The following LHX6 variants were observed in gnomAD, a reference collection of about 807,000 sequenced individuals.
LHX6 encodes LIM/homeobox protein Lhx6.
LHX6 carries 15 observed loss-of-function variants against 47.1 expected under a neutral mutation model. That is an observed-to-expected ratio of 0.32 (90% CI 0.21 to 0.49). The LOEUF is 0.49. LHX6 is among the 20% of genes least tolerant of loss of function. The pLI is 0.99. For synonymous variants in LHX6, 242 were observed against 233.5 expected (o/e 1.04, Z -0.33); for missense variants, 404 against 539.6 (o/e 0.75, Z 2.49).
Position 122,204,778 on chromosome 9 carries a change from G to T in LHX6, c.1161C>A (p.Val387=). The T allele has an allele frequency of 6.3e-7, 1 of 1,588,696 alleles. No individual in the cohort carries two copies. The highest frequency in any genetic ancestry group is 8.6e-7 in the Non-Finnish European group (1 of 1,167,498). The change falls in exon 10 of 10, where the codon GTC becomes GTA. Residue 387 remains valine, a splice_region_variant and synonymous_variant. Coordinates refer to ENST00000394319, the MANE Select transcript of LHX6 (RefSeq NM_014368.5). ...DGPLSNRGEK[V]ILFQY ...GGCAGCGTTAGTACTGAAAAAGGAT[G>T]ACCTGCAAGAGGAGGGCATGGGAGG... is the stretch of plus-strand genomic sequence containing the variant.
chr9:122,215,863 T>C (rs1463103791), intron 5 of LHX6, among the ~76,000 whole-genome samples: 1 of 152,030 alleles, frequency 6.6e-6, no homozygotes, highest in African/African-American at 2.4e-5. Context: ...TTCATACTCC[T>C]CCCCAGAAAA....
chr9:122,218,725 T>C (rs1830693120), intron 4 of LHX6, among the ~76,000 whole-genome samples: 1 of 152,120 alleles, frequency 6.6e-6, no homozygotes, highest in African/African-American at 2.4e-5. Flanking sequence ...CCACATCCTC[T>C]TCAGGCCCAT....
rs1830625195 is a variant in LHX6, at chr9:122,217,165, C to A, written c.585G>T (p.Leu195=). ...CFACFSCKRQ[L]STGEEFGLVE... ...CCAGGCCGAACTCCTCACCAGTGGA[C>A]AGCTGGCGCTTGCACGAGAAGCAGG... Residue 195 remains leucine, a synonymous_variant, in exon 5 of 10, where the codon CTG becomes CTT. Transcript: ENST00000394319. The surrounding 1 kb of genome is among the most constrained non-coding windows in gnomAD (Gnocchi z 4.9). 1.2e-6 allele frequency: 2 copies of A among 1,614,128 alleles called. No homozygotes were observed. The highest frequency in any genetic ancestry group is 1.7e-6 in the Non-Finnish European group (2 of 1,180,052).
In LHX6 at chr9:122,217,926, G is replaced by T. The variant is rs957173482; in HGVS notation, c.462-638C>A. Among the ~76,000 whole-genome samples, 3 of 152,196 alleles carry T rather than the reference G, an allele frequency of 2.0e-5. No individual in the cohort carries two copies. The highest frequency in any genetic ancestry group is 7.2e-5 in the African/African-American group (3 of 41,444). On this transcript the variant is annotated intron_variant, in intron 4 of 9. Coordinates refer to ENST00000394319, the MANE Select transcript of LHX6 (RefSeq NM_014368.5). The surrounding 1 kb of genome is among the most constrained non-coding windows in gnomAD (Gnocchi z 4.9). ...TCCTGCACTGAACTAGATGACAACAGCAATGACTACTACTGTTTGTTTAGT... is the reference window on the plus strand; with the variant it reads ...TCCTGCACTGAACTAGATGACAACATCAATGACTACTACTGTTTGTTTAGT...
intron 4 of LHX6, chr9:122,221,545 C>T (rs1459698631): frequency 1.0e-6 from 1 of 985,774 alleles, no homozygotes; most frequent in Non-Finnish European, 1.2e-6. Flanking sequence ...GAACTTTAGC[C>T]TCCAGGGCAC....
intron 4 of LHX6, among the ~76,000 whole-genome samples, chr9:122,223,053 G>A (rs1467822098): frequency 6.6e-6 from 1 of 152,184 alleles, no homozygotes; most frequent in Non-Finnish European, 1.5e-5. Context: ...CTCTCTCCAG[G>A]AAGAACTTCC....
chr9:122,226,261 AG>A lies in LHX6; in HGVS notation c.461+114del. On this transcript the variant is annotated intron_variant, in intron 4 of 9. Coordinates refer to ENST00000394319, the MANE Select transcript of LHX6 (RefSeq NM_014368.5). The surrounding 1 kb of genome is among the most constrained non-coding windows in gnomAD (Gnocchi z 6.5). ...GGTTGGACCAGCGCTGCGCGCCGGA[AG>A]TGCACTCGGGACGCCGGGGTTCTGG... 1.5e-6 allele frequency: 2 copies of A among 1,329,434 alleles called. No individual in the cohort carries two copies. Among genetic ancestry groups the A allele is most frequent in the Non-Finnish European group, 2.0e-6 (2 of 985,236 alleles). The allele number at this position is 1,329,434 out of a possible 1,614,324, so 82.4% of individuals were successfully genotyped here. A position where few individuals can be genotyped will look rare whatever the true frequency, so the allele number is the denominator to read the frequency against.
intron 1 of LHX6, chr9:122,228,213 G>A: frequency 1.3e-6 from 2 of 1,502,340 alleles, no homozygotes; most frequent in South Asian, 2.4e-5. Flanking sequence ...AGCAAAAAGA[G>A]AGCGAGATCG....
At chr9:122,206,921 AC>A (rs1830201459) in intron 9 of LHX6, among the ~76,000 whole-genome samples, 2 of 151,766 alleles carry the variant, frequency 1.3e-5, no homozygotes, top group Admixed American at 6.6e-5. Context: ...GATGTGGAAC[AC>A]CCTTCTTCTT....
intron 5 of LHX6, 85 bp downstream of exon 5, chr9:122,216,983 A>C: frequency 9.0e-7 from 1 of 1,115,318 alleles, no homozygotes; most frequent in South Asian, 1.4e-5. Flanking sequence ...TCGGTAGAGG[A>C]GTGTGGGTGG....
At chr9:122,228,486 A>ACCCC in intron 1 of LHX6, 171 bp downstream of exon 1, 1 of 1,169,042 alleles carries the variant, frequency 8.6e-7, no homozygotes, top group Non-Finnish European at 1.1e-6. Flanking sequence ...GCTTTCCGCG[A>ACCCC]CCCCCCCCCC....
In LHX6 at chr9:122,221,070, C is replaced by G. The variant is rs770855870; in HGVS notation, c.462-3782G>C. ...TTACCAAGCTATTGAGCCGAGAGGC[C>G]GAAACTCAAACGGAGGTTCACTTAT... On this transcript the variant is annotated intron_variant, in intron 4 of 9. Transcript: ENST00000394319. The G allele has an allele frequency of 4.7e-4, 464 of 985,032 alleles. 1 individual carries two copies. Among genetic ancestry groups the G allele is most frequent in the Non-Finnish European group, 5.4e-4 (447 of 829,704 alleles). 61.0% of individuals were successfully genotyped at this position (985,032 alleles called of 1,614,324 possible). A position where few individuals can be genotyped will look rare whatever the true frequency, so the allele number is the denominator to read the frequency against.
At chr9:122,228,204 GCA>G in intron 1 of LHX6, 2 of 1,479,800 alleles carry the variant, frequency 1.4e-6, no homozygotes, top group South Asian at 2.4e-5. Context: ...GAAACCCGGA[GCA>G]AAAAGAGAGC....
Position 122,202,712 on chromosome 9 carries a change from T to C in LHX6, c.*2048A>G, listed in dbSNP as rs75280874. 1 of 152,648 alleles carries C rather than the reference T, an allele frequency of 6.6e-6. No individual in the cohort carries two copies. Among genetic ancestry groups the C allele is most frequent in the African/African-American group, 2.4e-5 (1 of 41,444 alleles). The allele number at this position is 152,648 out of a possible 1,614,324, so 9.5% of individuals were successfully genotyped here. A position where few individuals can be genotyped will look rare whatever the true frequency, so the allele number is the denominator to read the frequency against. On this transcript the variant is annotated 3_prime_UTR_variant, in exon 10 of 10. Coordinates refer to ENST00000394319, the MANE Select transcript of LHX6 (RefSeq NM_014368.5). ...CAAAAAAAGTGCTTACAATTTTTTTTCCGTGTGTGTGTTTTCCCCTTTTTT... is the reference window on the plus strand; with the variant it reads ...CAAAAAAAGTGCTTACAATTTTTTTCCCGTGTGTGTGTTTTCCCCTTTTTT...
intron 9 of LHX6, among the ~76,000 whole-genome samples, chr9:122,207,302 C>A (rs765877227): frequency 6.6e-6 from 1 of 152,118 alleles, no homozygotes. Context: ...AGGATGAGGT[C>A]GGAGAGAGGG....
At chr9:122,212,383 A>T (rs1830430293) in intron 8 of LHX6, among the ~76,000 whole-genome samples, 1 of 152,110 alleles carries the variant, frequency 6.6e-6, no homozygotes. Flanking sequence ...GTGGCCTCTG[A>T]TGTTTAGAGA....
intron 9 of LHX6, among the ~76,000 whole-genome samples, chr9:122,209,312 G>T (rs1830309662): frequency 6.6e-6 from 1 of 152,236 alleles, no homozygotes; most frequent in Non-Finnish European, 1.5e-5. Flanking sequence ...GGTGATGAGT[G>T]ATATAAGCCC....
rs1831084006 is a variant in LHX6 at position 122,226,078 on chromosome 9, G to C, written c.461+298C>G. ...AGCTCCACCGAGGCGCTCGAGGTCA[G>C]AACTGAAGCCTGAGACTTAGGCAGG... On this transcript the variant is annotated intron_variant, in intron 4 of 9. Transcript: ENST00000394319. This position sits in a 1 kb window ranked among gnomAD's most constrained non-coding sequence, Gnocchi z 6.5. 6.6e-6 allele frequency among the ~76,000 whole-genome samples: 1 copy of C among 152,204 alleles called. No homozygotes were observed. The highest frequency in any genetic ancestry group is 6.5e-5 in the Admixed American group (1 of 15,286).
intron 8 of LHX6, among the ~76,000 whole-genome samples, chr9:122,212,867 G>A (rs938024466): frequency 6.6e-6 from 1 of 152,200 alleles, no homozygotes; most frequent in African/African-American, 2.4e-5. Flanking sequence ...AAAGAACACA[G>A]AAGGCACTCA....
Sources: allele counts gnomAD v4.1 joint callset (sites outside exome capture counted in the v4.1 genomes callset), GRCh38; gene constraint gnomAD v4.1.1; non-coding constraint Gnocchi (gnomAD v3.1); transcripts MANE v1.5; gene names NCBI Gene and HGNC (gene_info 2026-07-23, HGNC 2026-07-21).